NELL1: variants seen among roughly 807,000 people sequenced by gnomAD.
The protein encoded by NELL1 is neural EGFL like 1.
A neutral mutation model predicts 107.4 loss-of-function variants in NELL1; 76 were observed. The ratio of observed to expected loss-of-function variants is 0.71; its 90% CI spans 0.59 to 0.86. The LOEUF is 0.86. Among genes scored for constraint, NELL1 ranks in the 40% least tolerant of loss-of-function variants. The probability of loss-of-function intolerance (pLI) is 0.00; values close to 1 mark genes in which losing one functional copy is unlikely to be tolerated. For synonymous variants in NELL1, 353 were observed against 341.2 expected (o/e 1.03, Z -0.38); for missense variants, 1,024 against 1,005.5 (o/e 1.02, Z -0.25).
At chr11:20,966,853 G>T (rs892266642) in intron 12 of NELL1, among the ~76,000 whole-genome samples, 1 of 138,582 alleles carries the variant, frequency 7.2e-6, no homozygotes, top group African/African-American at 2.6e-5. Flanking sequence ...CCCCTGCCCC[G>T]ACACACACAC....
chr11:20,726,596 C>G (rs945184259), intron 2 of NELL1, among the ~76,000 whole-genome samples: 1 of 151,048 alleles, frequency 6.6e-6, no homozygotes, highest in East Asian at 1.9e-4. Context: ...ATATTTTTTT[C>G]TTTTATTTTT....
At chr11:20,700,876 T>C (rs183870148) in intron 2 of NELL1, among the ~76,000 whole-genome samples, 12 of 152,344 alleles carry the variant, frequency 7.9e-5, no homozygotes, top group Admixed American at 6.5e-4. Flanking sequence ...CCATGGTGTA[T>C]ATGTGCCACA....
At chr11:21,012,859 C>T (rs941412155) in intron 12 of NELL1, among the ~76,000 whole-genome samples, 6 of 152,064 alleles carry the variant, frequency 3.9e-5, no homozygotes, top group African/African-American at 9.7e-5. Context: ...AAAAATACCT[C>T]AAACACCAAT....
chr11:20,818,894 C>A (rs1857686216), intron 3 of NELL1, among the ~76,000 whole-genome samples: 2 of 152,298 alleles, frequency 1.3e-5, no homozygotes, highest in African/African-American at 2.4e-5. Context: ...GTGCTAGGTA[C>A]TTCAAATGTG....
intron 14 of NELL1, among the ~76,000 whole-genome samples, chr11:21,353,046 T>TG (rs1300798416): frequency 1.3e-5 from 2 of 152,166 alleles, no homozygotes; most frequent in Non-Finnish European, 2.9e-5. Context: ...CCTTTCCAGC[T>TG]GAGAGTCTGA....
intron 5 of NELL1, among the ~76,000 whole-genome samples, chr11:20,890,760 T>C (rs536112980): frequency 6.6e-6 from 1 of 151,608 alleles, no homozygotes; most frequent in East Asian, 2.0e-4. Context: ...AAAAGGACAT[T>C]AGAGTTTGAA....
intron 3 of NELL1, among the ~76,000 whole-genome samples, chr11:20,818,215 A>G (rs913665193): frequency 6.6e-6 from 1 of 152,154 alleles, no homozygotes; most frequent in African/African-American, 2.4e-5. Flanking sequence ...TGACTTTCTA[A>G]GTCTTTTTGT....
chr11:21,200,622 A>G (rs1307593642), intron 13 of NELL1, among the ~76,000 whole-genome samples: 1 of 152,168 alleles, frequency 6.6e-6, no homozygotes, highest in Non-Finnish European at 1.5e-5. Context: ...TGCTGTGCAG[A>G]AGCAATTTAG....
intron 15 of NELL1, among the ~76,000 whole-genome samples, chr11:21,387,721 C>CTGAGTGTGTTACTCAGAATTCAAT (rs1284560251): frequency 6.6e-6 from 1 of 151,800 alleles, no homozygotes; most frequent in Non-Finnish European, 1.5e-5. Flanking sequence ...CAATTGAACT[C>CTGAGTGTGTTACTCAGAATTCAAT]TGAATTCTGA....
chr11:20,722,739 T>C (rs1855420141), intron 2 of NELL1, among the ~76,000 whole-genome samples: 1 of 152,040 alleles, frequency 6.6e-6, no homozygotes, highest in African/African-American at 2.4e-5. Flanking sequence ...GGAGAACAAA[T>C]ACAAGAGAGT....
intron 14 of NELL1, among the ~76,000 whole-genome samples, chr11:21,258,949 G>A (rs1336026167): frequency 1.3e-5 from 2 of 151,884 alleles, no homozygotes; most frequent in Non-Finnish European, 2.9e-5. Context: ...AGGAAATAGA[G>A]AACCAGGAAC....
intron 5 of NELL1, among the ~76,000 whole-genome samples, chr11:20,909,817 G>A (rs1362223750): frequency 6.6e-6 from 1 of 152,034 alleles, no homozygotes; most frequent in South Asian, 2.1e-4. Flanking sequence ...TGTTTGAAAT[G>A]TTGTCTTCTT....
intron 15 of NELL1, among the ~76,000 whole-genome samples, chr11:21,385,620 C>T (rs909071124): frequency 1.3e-5 from 2 of 151,902 alleles, no homozygotes; most frequent in Non-Finnish European, 2.9e-5. Context: ...CCCAGTCTTA[C>T]TCCTCCCTCA....
chr11:20,786,899 T>C (rs1856974937), intron 3 of NELL1, among the ~76,000 whole-genome samples: 1 of 146,254 alleles, frequency 6.8e-6, no homozygotes, highest in Non-Finnish European at 1.5e-5. Context: ...TCCCAGCTAC[T>C]TGGGAGGCTG....
chr11:21,534,392 A>G lies in NELL1; in HGVS notation c.1664A>G (p.Glu555Gly), dbSNP rs201683742. Residue 555 changes from glutamate (E) to glycine (G), a missense_variant, in exon 16 of 20, where the codon GAG becomes GGG. Physicochemically the swap from Glu to Gly is moderately conservative, Grantham distance 98. Coordinates refer to ENST00000357134, the MANE Select transcript of NELL1 (RefSeq NM_006157.5). ...HCEKDIDECS[E>G]GIIECHNHSR... ...GAGGCAGATATTGATGAATGTTCAGAGGGAATCATTGAGTGCCACAACCAT... is the reference window on the plus strand; with the variant it reads ...GAGGCAGATATTGATGAATGTTCAGGGGGAATCATTGAGTGCCACAACCAT... 3.7e-6 allele frequency: 6 copies of G among 1,613,856 alleles called. No homozygotes were observed. Among genetic ancestry groups the G allele is most frequent in the Non-Finnish European group, 5.1e-6 (6 of 1,179,810 alleles).
chr11:21,271,754 T>C (rs1277174758), intron 14 of NELL1, among the ~76,000 whole-genome samples: 2 of 152,184 alleles, frequency 1.3e-5, no homozygotes, highest in African/African-American at 4.8e-5. Flanking sequence ...ACTCCGACAG[T>C]TATTTAAAAA....
intron 14 of NELL1, among the ~76,000 whole-genome samples, chr11:21,246,209 G>A (rs889210010): frequency 6.6e-6 from 1 of 152,140 alleles, no homozygotes; most frequent in African/African-American, 2.4e-5. Flanking sequence ...TATGAAGAAG[G>A]CAGAAGTATT....
intron 12 of NELL1, among the ~76,000 whole-genome samples, chr11:21,095,300 G>C (rs570115975): frequency 2.0e-5 from 3 of 152,256 alleles, no homozygotes; most frequent in East Asian, 3.9e-4. Flanking sequence ...TTTCATCAAA[G>C]CCATTCAACA....
intron 14 of NELL1, among the ~76,000 whole-genome samples, chr11:21,252,551 T>C (rs1304625440): frequency 6.6e-6 from 1 of 152,136 alleles, no homozygotes; most frequent in Admixed American, 6.6e-5. Flanking sequence ...AGGATAGCAG[T>C]TTGAACCTCA....
Sources: allele counts gnomAD v4.1 joint callset (sites outside exome capture counted in the v4.1 genomes callset), GRCh38; gene constraint gnomAD v4.1.1; transcripts MANE v1.5; gene names NCBI Gene and HGNC (gene_info 2026-07-23, HGNC 2026-07-21).